Variants in DTD1 observed in about 807,000 individuals in gnomAD.
The protein encoded by DTD1 is D-tyrosyl-tRNA deacylase 1 homolog.
In DTD1, 13 loss-of-function variants were observed where a neutral mutation model predicts 25.6. The ratio of observed to expected loss-of-function variants is 0.51; its 90% confidence interval spans 0.33 to 0.81. The LOEUF (loss-of-function observed/expected upper bound fraction) is 0.81, where lower values mean the gene tolerates loss of function less well. DTD1 is among the 30% of genes least tolerant of loss of function. The pLI is 0.02. For missense variants in DTD1, 193 were observed against 266.4 expected, an observed-to-expected ratio of 0.72 and a Z score of 1.92; for synonymous variants, 110 against 103.6, an observed-to-expected ratio of 1.06 and a Z score of -0.37.
intron 4 of DTD1, chr20:18,674,432 ACAAATATCAAAAGGTC>A (rs1349894783): frequency 2.6e-5 from 4 of 152,246 alleles, no homozygotes; most frequent in African/African-American, 7.2e-5. Context: ...GACTTCAAGA[ACAAATATCAAAAGGTC>A]CAAATGAACT....
chr20:18,659,997 G>C (rs958902113), intron 4 of DTD1, among the ~76,000 whole-genome samples: 1 of 152,094 alleles, frequency 6.6e-6, no homozygotes, highest in Non-Finnish European at 1.5e-5. Flanking sequence ...ACTTTGGGAG[G>C]CCGAAGTGGT....
intron 4 of DTD1, among the ~76,000 whole-genome samples, chr20:18,647,469 C>G (rs2060854583): frequency 6.6e-6 from 1 of 152,222 alleles, no homozygotes; most frequent in East Asian, 1.9e-4. Flanking sequence ...ATAGGTGTCC[C>G]TGAGCACAGA....
intron 3 of DTD1, among the ~76,000 whole-genome samples, chr20:18,612,118 T>G (rs1451715656): frequency 7.0e-6 from 1 of 142,120 alleles, no homozygotes; most frequent in Non-Finnish European, 1.5e-5. Context: ...CACTGCAAGC[T>G]CCGCCTCCCG....
intron 4 of DTD1, among the ~76,000 whole-genome samples, chr20:18,639,575 T>A (rs976251339): frequency 6.6e-6 from 1 of 152,206 alleles, no homozygotes; most frequent in African/African-American, 2.4e-5. Context: ...TGCCTCTTGC[T>A]GCTAGCTGGT....
At chr20:18,688,057 A>G (rs1396275600) in intron 4 of DTD1, among the ~76,000 whole-genome samples, 1 of 152,228 alleles carries the variant, frequency 6.6e-6, no homozygotes, top group Non-Finnish European at 1.5e-5. Context: ...TCAAAGAGTA[A>G]AACGGAATAT....
At position 18,732,455 on chromosome 20, in the gene DTD1, A is replaced by G. The variant is rs188249539; in HGVS notation, c.478-11645A>G. Among the ~76,000 whole-genome samples the G allele has an allele frequency of 1.3e-3, 195 of 152,322 alleles. 1 individual carries two copies. Among genetic ancestry groups the G allele is most frequent in the African/African-American group, 4.6e-3 (191 of 41,570 alleles). On this transcript the variant is annotated intron_variant, in intron 4 of 5. Coordinates refer to ENST00000377452, the MANE Select transcript of DTD1 (RefSeq NM_080820.6). ...TACTTTTGCCTTCTAATAGCTTACG[A>G]CCTACAAAATGGTAAGGGTACACAC...
intron 4 of DTD1, among the ~76,000 whole-genome samples, chr20:18,654,887 T>TA (rs1167858923): frequency 2.0e-5 from 3 of 152,202 alleles, no homozygotes; most frequent in African/African-American, 7.2e-5. Context: ...CTTACATTGC[T>TA]AAAAAACCCT....
intron 4 of DTD1, among the ~76,000 whole-genome samples, chr20:18,657,616 T>C (rs965251749): frequency 3.0e-4 from 46 of 152,232 alleles, no homozygotes; most frequent in African/African-American, 9.4e-4. Context: ...CAAGCACTTA[T>C]TGTCTATTGA....
At position 18,721,773 on chromosome 20, in the gene DTD1, A is replaced by G. The variant is rs1048068827; in HGVS notation, c.478-22327A>G. Among the ~76,000 whole-genome samples, 6 of 152,142 alleles carry G rather than the reference A, an allele frequency of 3.9e-5. No homozygotes were observed. The East Asian group carries it at 1.2e-3, about 29-fold the overall frequency. ...AAGTTTTATTTTAGATATGTTCTACAGACTGTGAAGGTGTTTTGGAGTGGT... is the reference window on the plus strand; with the variant it reads ...AAGTTTTATTTTAGATATGTTCTACGGACTGTGAAGGTGTTTTGGAGTGGT... On this transcript the variant is annotated intron_variant, in intron 4 of 5. Coordinates refer to ENST00000377452, the MANE Select transcript of DTD1 (RefSeq NM_080820.6).
At chr20:18,718,384 G>A (rs2061189973) in intron 4 of DTD1, among the ~76,000 whole-genome samples, 1 of 152,210 alleles carries the variant, frequency 6.6e-6, no homozygotes, top group Non-Finnish European at 1.5e-5. Context: ...ATCCCTGCAA[G>A]TCGTGGCACT....
At position 18,765,019 on chromosome 20, in the gene DTD1, G is replaced by T. The variant is rs1365158221; in HGVS notation, c.*1679G>T. The T allele has an allele frequency of 6.6e-6, 1 of 152,226 alleles. No individual in the cohort carries two copies. The highest frequency in any genetic ancestry group is 1.5e-5 in the Non-Finnish European group (1 of 68,054). The allele number at this position is 152,226 out of a possible 1,614,324, so 9.4% of individuals were successfully genotyped here. On this transcript the variant is annotated 3_prime_UTR_variant, in exon 6 of 6. Coordinates refer to ENST00000377452, the MANE Select transcript of DTD1 (RefSeq NM_080820.6). The stretch of plus-strand genomic sequence containing the variant: ...TAAGGGGTAACGAGGATTGCATAGA[G>T]ATACGACCTAAGGATCATGACATTT...
At position 18,764,231 on chromosome 20, in the gene DTD1, C is replaced by T. The variant is rs2061373387; in HGVS notation, c.*891C>T. 1 of 152,242 alleles carries T rather than the reference C, an allele frequency of 6.6e-6. No individual in the cohort carries two copies. The highest frequency in any genetic ancestry group is 2.4e-5 in the African/African-American group (1 of 41,438). The allele number at this position is 152,242 out of a possible 1,614,324, so 9.4% of individuals were successfully genotyped here. A position where few individuals can be genotyped will look rare whatever the true frequency, so the allele number is the denominator to read the frequency against. On this transcript the variant is annotated 3_prime_UTR_variant, in exon 6 of 6. Transcript: ENST00000377452. ...TCCAGCTTTGGGAGGTGGAGGAAGG[C>T]CTCAGCATGGCGGGTGGTGCAGATA...
intron 4 of DTD1, among the ~76,000 whole-genome samples, chr20:18,687,520 T>C: frequency 6.6e-6 from 1 of 152,196 alleles, no homozygotes; most frequent in East Asian, 1.9e-4. Flanking sequence ...TAGTGTATTA[T>C]GTTTGTAAAA....
chr20:18,727,157 G>A (rs760729018), intron 4 of DTD1, among the ~76,000 whole-genome samples: 4 of 152,238 alleles, frequency 2.6e-5, no homozygotes, highest in African/African-American at 4.8e-5. Flanking sequence ...GGGCCCATGG[G>A]TGGGAGCAGA....
At chr20:18,759,775 T>C (rs1454639289) in intron 5 of DTD1, among the ~76,000 whole-genome samples, 2 of 152,248 alleles carry the variant, frequency 1.3e-5, no homozygotes, top group Non-Finnish European at 2.9e-5. Flanking sequence ...AATGTGAATG[T>C]TGGCCTGCCT....
At chr20:18,713,011 G>A (rs1164979731) in intron 4 of DTD1, among the ~76,000 whole-genome samples, 1 of 152,218 alleles carries the variant, frequency 6.6e-6, no homozygotes, top group Admixed American at 6.5e-5. Flanking sequence ...CCTGTCCTGG[G>A]TTTCCACTTT....
intron 4 of DTD1, among the ~76,000 whole-genome samples, chr20:18,713,692 A>C (rs2061168662): frequency 1.3e-5 from 2 of 151,892 alleles, no homozygotes; most frequent in African/African-American, 4.8e-5. Flanking sequence ...TCTTTTACTT[A>C]CCTTGGTTCT....
At chr20:18,645,455 C>T (rs1291303633) in intron 4 of DTD1, among the ~76,000 whole-genome samples, 4 of 152,198 alleles carry the variant, frequency 2.6e-5, no homozygotes, top group Non-Finnish European at 5.9e-5. Flanking sequence ...ATGAGATAGA[C>T]TTAGATACCA....
intron 4 of DTD1, among the ~76,000 whole-genome samples, chr20:18,687,931 C>T (rs1430923055): frequency 1.3e-5 from 2 of 152,216 alleles, no homozygotes; most frequent in Non-Finnish European, 2.9e-5. Flanking sequence ...GCTGTTTGGA[C>T]TTGTGCCTTC....
Sources: gnomAD v4.1 joint callset for allele counts (sites outside exome capture counted in the v4.1 genomes callset) on GRCh38, gnomAD v4.1.1 for gene constraint, MANE v1.5 for transcripts, NCBI Gene and HGNC (gene_info 2026-07-23, HGNC 2026-07-21) for gene names.